SLC9A6: variants seen among roughly 807,000 people sequenced by gnomAD.
SLC9A6 encodes sodium/hydrogen exchanger 6.
SLC9A6 carries 6 observed loss-of-function variants against 45.3 expected under a neutral mutation model. The ratio of observed to expected loss-of-function variants is 0.13; its 90% CI spans 0.07 to 0.26. SLC9A6 has a LOEUF of 0.26. SLC9A6 is among the 10% of genes least tolerant of loss of function. The pLI is 1.00. For synonymous variants in SLC9A6, 191 were observed against 187.7 expected, an observed-to-expected ratio of 1.02 and a Z score of -0.14; for missense variants, 278 against 503.7, an observed-to-expected ratio of 0.55 and a Z score of 4.29.
intron 2 of SLC9A6, among the ~76,000 whole-genome samples, chrX:135,986,462 T>C (rs782575863): frequency 9.0e-6 from 1 of 111,239 alleles, no homozygotes; most frequent in African/African-American, 3.3e-5. Flanking sequence ...CTCTAATATC[T>C]GATATGGATA....
Position 136,005,694 on chromosome X carries a change from A to AG in SLC9A6, c.743+3482dup, listed in dbSNP as rs1439579452. On this transcript the variant is annotated intron_variant, in intron 7 of 17. Coordinates refer to ENST00000630721, the MANE Select transcript of SLC9A6 (RefSeq NM_001379110.1). Reference sequence around the variant, plus strand: ...AGACTGTCTCAAAAAAAAAAAAAAAAGAGAGAGAGCCCTTTCCATAGCATT... The same window carrying AG: ...AGACTGTCTCAAAAAAAAAAAAAAAAGGAGAGAGAGCCCTTTCCATAGCATT... 5.5e-3 allele frequency among the ~76,000 whole-genome samples: 487 copies of AG among 87,783 alleles called. 1 individual carries two copies. Among genetic ancestry groups the AG allele is most frequent in the Middle Eastern group, 0.018 (3 of 168 alleles). The allele number at this position is 87,783 out of a possible 115,157, so 76.2% of individuals were successfully genotyped here. A position where few individuals can be genotyped will look rare whatever the true frequency, so the allele number is the denominator to read the frequency against.
intron 6 of SLC9A6, 118 bp downstream of exon 6, chrX:135,999,086 A>G (rs2089545325): frequency 5.8e-6 from 3 of 520,573 alleles, no homozygotes; most frequent in East Asian, 3.4e-5. Context: ...CCTTAGTACT[A>G]TACTTTCTAA....
At chrX:136,027,319 A>G (rs1331092927) in intron 13 of SLC9A6, among the ~76,000 whole-genome samples, 2 of 111,735 alleles carry the variant, frequency 1.8e-5, no homozygotes, top group African/African-American at 6.5e-5. Context: ...AGTCTTACCT[A>G]CGTGACTAGA....
chrX:136,009,529 T>C (rs2070878847), intron 7 of SLC9A6, among the ~76,000 whole-genome samples: 1 of 112,102 alleles, frequency 8.9e-6, no homozygotes, highest in African/African-American at 3.2e-5. Flanking sequence ...TTCCTTCTTT[T>C]CTTTGACGTG....
intron 11 of SLC9A6, among the ~76,000 whole-genome samples, chrX:136,019,965 A>C (rs958873669): frequency 2.7e-5 from 3 of 111,996 alleles, no homozygotes; most frequent in Admixed American, 9.5e-5. Flanking sequence ...TGTTTTGTAG[A>C]ATGTCCTGCA....
chrX:135,985,889 T>C, intron 2 of SLC9A6, 62 bp downstream of exon 2: 1 of 1,158,021 alleles, frequency 8.6e-7, no homozygotes, highest in Non-Finnish European at 1.2e-6. Flanking sequence ...GCCGGCTGCT[T>C]CGCCTCCTCT....
chrX:136,005,018 C>A (rs2089636043), intron 7 of SLC9A6, among the ~76,000 whole-genome samples: 1 of 112,165 alleles, frequency 8.9e-6, no homozygotes, highest in African/African-American at 3.2e-5. Flanking sequence ...AGCATCGATT[C>A]CCTATCCTAG....
At chrX:135,978,722 G>A (rs1279136695) in intron 1 of SLC9A6, among the ~76,000 whole-genome samples, 1 of 111,041 alleles carries the variant, frequency 9.0e-6, no homozygotes, top group African/African-American at 3.3e-5. Flanking sequence ...GAGCACATTG[G>A]GTTGGTCTGT....
chrX:136,041,128 A>G (rs2071502024), intron 17 of SLC9A6, among the ~76,000 whole-genome samples: 1 of 111,654 alleles, frequency 9.0e-6, no homozygotes, highest in African/African-American at 3.3e-5. Context: ...AAAAGAAAAA[A>G]AAAAGAAAAA....
rs1556614730 is a variant in SLC9A6 at position 135,985,549 on chromosome X, G to T, written c.-56-54G>T. 2.5e-6 allele frequency: 3 copies of T among 1,180,219 alleles called. No homozygotes were observed. The highest frequency in any genetic ancestry group is 2.3e-5 in the Admixed American group (1 of 44,137). ...CGGGCACCCCTCCGCCGTGGCGTCG[G>T]CAGCAGTCCCCGAGCCCGCAGGCTC... On this transcript the variant is annotated intron_variant, in intron 1 of 17. Coordinates refer to ENST00000630721, the MANE Select transcript of SLC9A6 (RefSeq NM_001379110.1).
upstream of SLC9A6, among the ~76,000 whole-genome samples, chrX:135,982,075 CT>C (rs1206292667): frequency 8.9e-6 from 1 of 111,770 alleles, no homozygotes; most frequent in African/African-American, 3.3e-5. Context: ...TTCTTTAATT[CT>C]TTTTTTCTCA....
intron 3 of SLC9A6, among the ~76,000 whole-genome samples, chrX:135,997,388 C>G (rs1603197258): frequency 1.0e-5 from 1 of 96,498 alleles, no homozygotes; most frequent in Non-Finnish European, 2.1e-5. Context: ...AAGTAATGTT[C>G]ATGCTTTCTC....
intron 15 of SLC9A6, chrX:136,033,020 C>G: frequency 6.7e-6 from 1 of 148,302 alleles, no homozygotes; most frequent in Non-Finnish European, 1.3e-5. Context: ...GGCCCCACCA[C>G]GCCTGGCTAA....
At chrX:136,016,855 T>C (rs1245196989) in intron 11 of SLC9A6, 97 bp downstream of exon 11, 3 of 479,371 alleles carry the variant, frequency 6.3e-6, no homozygotes, top group Admixed American at 8.1e-5. Context: ...TTTAAATATA[T>C]ACAGTTTTCC....
chrX:135,992,510 C>G (rs888021395), intron 2 of SLC9A6, among the ~76,000 whole-genome samples: 1 of 112,060 alleles, frequency 8.9e-6, no homozygotes, highest in African/African-American at 3.2e-5. Context: ...TGATTCAACT[C>G]CTGCCAATCT....
Position 135,989,934 on chromosome X carries a change from G to A in SLC9A6, c.169+4107G>A, listed in dbSNP as rs782653242. 1.7e-4 allele frequency among the ~76,000 whole-genome samples: 19 copies of A among 110,794 alleles called. No individual in the cohort carries two copies. The South Asian group carries it at 7.5e-3, about 44-fold the overall frequency. Reference sequence around the variant, plus strand: ...TGTTTTTGTTTTTGTTTTGAGACGCGTTAGGACCTCTCTGTTTTGTGAAAG... The same window carrying A: ...TGTTTTTGTTTTTGTTTTGAGACGCATTAGGACCTCTCTGTTTTGTGAAAG... On this transcript the variant is annotated intron_variant, in intron 2 of 17. Coordinates refer to ENST00000630721, the MANE Select transcript of SLC9A6 (RefSeq NM_001379110.1).
At chrX:135,996,714 G>A (rs782176086) in intron 3 of SLC9A6, among the ~76,000 whole-genome samples, 120 of 111,182 alleles carry the variant, frequency 1.1e-3, no homozygotes, top group Non-Finnish European at 2.1e-3. Flanking sequence ...TACCAGTTTG[G>A]GGTTTCATTC....
At chrX:136,029,177 G>A (rs1556620831) in intron 14 of SLC9A6, among the ~76,000 whole-genome samples, 1 of 111,114 alleles carries the variant, frequency 9.0e-6, no homozygotes, top group Non-Finnish European at 1.9e-5. Flanking sequence ...GCACAGGAGA[G>A]GATGGATTTG....
intron 15 of SLC9A6, among the ~76,000 whole-genome samples, chrX:136,031,944 A>AT (rs1359976156): frequency 8.9e-6 from 1 of 112,348 alleles, no homozygotes; most frequent in Non-Finnish European, 1.9e-5. Context: ...TGTTATATAT[A>AT]AGTTGATACA....
Sources: allele counts gnomAD v4.1 joint callset (sites outside exome capture counted in the v4.1 genomes callset), GRCh38; gene constraint gnomAD v4.1.1; transcripts MANE v1.5; gene names NCBI Gene and HGNC (gene_info 2026-07-23, HGNC 2026-07-21).